The following CCN5 variants were observed in gnomAD, a reference collection of about 807,000 sequenced individuals.
CCN5 encodes the protein cellular communication network factor 5, also known as CCN family member 5.
A neutral mutation model predicts 18.7 loss-of-function variants in CCN5; 17 were observed. The observed-to-expected ratio is 0.91, with a 90% CI of 0.62 to 1.36. The LOEUF (loss-of-function observed/expected upper bound fraction) is 1.36. CCN5 is among the 40% of genes most tolerant of loss of function. CCN5 has a pLI of 0.00. For synonymous variants in CCN5, 135 were observed against 145.2 expected (o/e 0.93, Z 0.50); for missense variants, 367 against 342.9 (o/e 1.07, Z -0.56).
At chr20:44,721,437 G>C (rs528968840) in intron 2 of CCN5, 27 of 148,122 alleles carry the variant, frequency 1.8e-4, no homozygotes, top group African/African-American at 6.2e-4. Flanking sequence ...GCTTGAGCCT[G>C]GGTGTTTGAG....
intron 1 of CCN5, 64 bp from the exon 2 acceptor site, chr20:44,719,833 G>C: frequency 6.6e-7 from 1 of 1,521,872 alleles, no homozygotes; most frequent in Non-Finnish European, 8.9e-7. Flanking sequence ...AGAAGTGGCT[G>C]GTTGTGAGGG....
chr20:44,721,818 C>T (rs2065902016), intron 2 of CCN5, among the ~76,000 whole-genome samples: 1 of 152,126 alleles, frequency 6.6e-6, no homozygotes, highest in African/African-American at 2.4e-5. Flanking sequence ...GAGGTAGGTA[C>T]CCTTCTCTTA....
chr20:44,722,983 G>A (rs1406309618), intron 2 of CCN5, among the ~76,000 whole-genome samples: 2 of 152,070 alleles, frequency 1.3e-5, no homozygotes, highest in Admixed American at 6.5e-5. Flanking sequence ...GAAGTCATAA[G>A]CCAGATCACC....
At chr20:44,719,506 T>G (rs948123171) in intron 1 of CCN5, among the ~76,000 whole-genome samples, 1 of 151,892 alleles carries the variant, frequency 6.6e-6, no homozygotes, top group Non-Finnish European at 1.5e-5. Flanking sequence ...AATACAAAAA[T>G]TGCCAGGCAT....
At chr20:44,721,283 G>A (rs933768414) in intron 2 of CCN5, 2 of 149,064 alleles carry the variant, frequency 1.3e-5, no homozygotes, top group Non-Finnish European at 1.5e-5. Context: ...GAGGCGGGAC[G>A]ACCACTTGAG....
chr20:44,723,077 C>T (rs1186660408), intron 2 of CCN5, among the ~76,000 whole-genome samples: 1 of 152,120 alleles, frequency 6.6e-6, no homozygotes, highest in South Asian at 2.1e-4. Context: ...AAGGCCCCAA[C>T]AGGATCCTGT....
intron 2 of CCN5, 91 bp downstream of exon 2, chr20:44,720,204 T>C (rs2065889903): frequency 1.5e-6 from 2 of 1,352,426 alleles, no homozygotes; most frequent in African/African-American, 2.9e-5. Context: ...CTCCTCTCTC[T>C]ACCTCCTTGG....
intron 3 of CCN5, 124 bp from the exon 4 acceptor site, chr20:44,726,963 C>G (rs765869746): frequency 4.2e-6 from 4 of 956,290 alleles, no homozygotes; most frequent in Non-Finnish European, 6.2e-6. Context: ...ATTTACATAA[C>G]AAGAAACTGA....
chr20:44,723,097 C>T (rs1246262239), intron 2 of CCN5, among the ~76,000 whole-genome samples: 1 of 152,086 alleles, frequency 6.6e-6, no homozygotes, highest in African/African-American at 2.4e-5. Flanking sequence ...TTCATGCTTC[C>T]TCTCTGACCT....
chr20:44,720,000 T>C lies in CCN5; in HGVS notation c.164T>C (p.Val55Ala). Residue 55 changes from valine to alanine, a missense_variant, in exon 2 of 4, where the codon GTA becomes GCA. Val to Ala is a moderately conservative substitution (Grantham distance 64). Transcript: ENST00000190983. Reference protein sequence around the residue: ...LVLDGCGCCRVCARRLGEPCD... With the variant: ...LVLDGCGCCRACARRLGEPCD... ...CTGGATGGCTGTGGCTGCTGCCGGGTATGTGCACGGCGGCTGGGGGAGCCC... is the reference window on the plus strand; with the variant it reads ...CTGGATGGCTGTGGCTGCTGCCGGGCATGTGCACGGCGGCTGGGGGAGCCC... 1 of 1,611,620 alleles carries C rather than the reference T, an allele frequency of 6.2e-7. No homozygotes were observed. Among genetic ancestry groups the C allele is most frequent in the Non-Finnish European group, 8.5e-7 (1 of 1,179,608 alleles).
At position 44,724,956 on chromosome 20, in the gene CCN5, G is replaced by C; in HGVS notation, c.496G>C (p.Gly166Arg). The change falls in exon 3 of 4, where the codon GGA (glycine) becomes CGA (arginine). Residue 166 changes from glycine (G) to arginine (R), a missense_variant. Transcript: ENST00000190983. ...CTGCCCTGAGTGGGTGTGCGGCCAA[G>C]GAGGGGGACTGGGGACCCAGCCCCT... ...KCCPEWVCGQGGGLGTQPLPA... is the reference protein window; with the variant it reads ...KCCPEWVCGQRGGLGTQPLPA... 1.3e-6 allele frequency: 2 copies of C among 1,596,326 alleles called. No individual in the cohort carries two copies. Among genetic ancestry groups the C allele is most frequent in the Non-Finnish European group, 1.7e-6 (2 of 1,172,546 alleles).
At chr20:44,719,515 A>C (rs1291127803) in intron 1 of CCN5, among the ~76,000 whole-genome samples, 1 of 152,090 alleles carries the variant, frequency 6.6e-6, no homozygotes, top group South Asian at 2.1e-4. Context: ...ATTGCCAGGC[A>C]TGGTGGTGGG....
chr20:44,718,336 C>T (rs1214355984), intron 1 of CCN5, among the ~76,000 whole-genome samples: 5 of 152,106 alleles, frequency 3.3e-5, no homozygotes, highest in African/African-American at 1.2e-4. Context: ...GGGGTCATTG[C>T]CTGCTTTGGG....
chr20:44,716,219 G>A (rs1199998626), intron 1 of CCN5, among the ~76,000 whole-genome samples: 1 of 152,216 alleles, frequency 6.6e-6, no homozygotes, highest in Non-Finnish European at 1.5e-5. Flanking sequence ...TGACATGGAT[G>A]TAGGGGGAGA....
intron 2 of CCN5, chr20:44,721,604 C>CT (rs1367132391): frequency 2.7e-5 from 4 of 150,674 alleles, no homozygotes; most frequent in African/African-American, 9.8e-5. Context: ...ATTCGTTACA[C>CT]TGACTGAGGG....
chr20:44,719,851 G>A (rs755722682), intron 1 of CCN5, 46 bp from the exon 2 acceptor site: 1 of 1,578,504 alleles, frequency 6.3e-7, no homozygotes, highest in Admixed American at 1.8e-5. Flanking sequence ...GGGTCTCACT[G>A]CCCACCTCGA....
chr20:44,718,988 A>G (rs990198540), intron 1 of CCN5, among the ~76,000 whole-genome samples: 4 of 152,220 alleles, frequency 2.6e-5, no homozygotes, highest in Non-Finnish European at 5.9e-5. Context: ...CAGAGCTGGG[A>G]CACATGCTGA....
At chr20:44,722,144 C>T (rs2065904087) in intron 2 of CCN5, among the ~76,000 whole-genome samples, 1 of 152,194 alleles carries the variant, frequency 6.6e-6, no homozygotes, top group African/African-American at 2.4e-5. Flanking sequence ...ATGATTTAAA[C>T]TGAATTTAGA....
intron 1 of CCN5, among the ~76,000 whole-genome samples, chr20:44,717,704 G>A (rs188459197): frequency 1.6e-4 from 25 of 151,928 alleles, no homozygotes; most frequent in Admixed American, 4.6e-4. Flanking sequence ...GTGAAACCCC[G>A]TCTCTACTAA....
Sources: gnomAD v4.1 joint callset for allele counts (sites outside exome capture counted in the v4.1 genomes callset) on GRCh38, gnomAD v4.1.1 for gene constraint, MANE v1.5 for transcripts, NCBI Gene and HGNC (gene_info 2026-07-23, HGNC 2026-07-21) for gene names.